MANSC1: variants seen among roughly 807,000 people sequenced by gnomAD.
The protein encoded by MANSC1 is MANSC domain containing 1.
Under a neutral mutation model 14.1 loss-of-function variants are expected in MANSC1, and 13 were observed. That is an observed-to-expected ratio of 0.92 (90% confidence interval 0.60 to 1.46). The LOEUF is 1.46. Among genes scored for constraint, MANSC1 ranks in the 40% most tolerant of loss-of-function variants. MANSC1 has a pLI of 0.00. For synonymous variants in MANSC1, 227 were observed against 200.7 expected, an observed-to-expected ratio of 1.13 and a Z score of -1.11; for missense variants, 486 against 511.4, an observed-to-expected ratio of 0.95 and a Z score of 0.48.
Position 12,329,240 on chromosome 12 carries a change from A to T in MANSC1, c.*787T>A, listed in dbSNP as rs1170053491. The T allele has an allele frequency of 6.6e-6, 1 of 152,212 alleles. No homozygotes were observed. Among genetic ancestry groups the T allele is most frequent in the Admixed American group, 6.5e-5 (1 of 15,276 alleles). The allele number at this position is 152,212 out of a possible 1,614,324, so 9.4% of individuals were successfully genotyped here. On this transcript the variant is annotated 3_prime_UTR_variant, in exon 4 of 4. Coordinates refer to ENST00000535902, the MANE Select transcript of MANSC1 (RefSeq NM_018050.4). ...AATAAATGGAAAGTTATCCAGCTGG[A>T]CATGCTACTTATGAGAACACTACTG...
chr12:12,329,584 C>T lies in MANSC1; in HGVS notation c.*443G>A, dbSNP rs532038531. 1 of 154,512 alleles carries T rather than the reference C, an allele frequency of 6.5e-6. No individual in the cohort carries two copies. The highest frequency in any genetic ancestry group is 2.0e-4 in the South Asian group (1 of 4,930). The allele number at this position is 154,512 out of a possible 1,614,324, so 9.6% of individuals were successfully genotyped here. Reference sequence around the variant, plus strand: ...TTCCCACTTCATTCCTTCTCAAAAACCAAACATAAAACAGAAGGGGGCCAG... The same window carrying T: ...TTCCCACTTCATTCCTTCTCAAAAATCAAACATAAAACAGAAGGGGGCCAG... On this transcript the variant is annotated 3_prime_UTR_variant, in exon 4 of 4. Coordinates refer to ENST00000535902, the MANE Select transcript of MANSC1 (RefSeq NM_018050.4).
chr12:12,342,103 T>C (rs1862942118), intron 2 of MANSC1, among the ~76,000 whole-genome samples: 3 of 152,238 alleles, frequency 2.0e-5, no homozygotes, highest in Non-Finnish European at 4.4e-5. Context: ...CCAGCACGCC[T>C]GGCTGATTTT....
chr12:12,340,289 C>T (rs1862917424), intron 2 of MANSC1, among the ~76,000 whole-genome samples: 1 of 152,200 alleles, frequency 6.6e-6, no homozygotes. Context: ...AACATACGCT[C>T]TGTCGACCAT....
intron 1 of MANSC1, among the ~76,000 whole-genome samples, chr12:12,344,615 G>A (rs559513736): frequency 2.0e-5 from 3 of 151,606 alleles, no homozygotes; most frequent in African/African-American, 7.3e-5. Context: ...GACTACAGAC[G>A]CATGCCACCA....
At chr12:12,339,388 T>A (rs1340231633) in intron 2 of MANSC1, 1 of 152,322 alleles carries the variant, frequency 6.6e-6, no homozygotes, top group African/African-American at 2.4e-5. Flanking sequence ...CACTTCAGCC[T>A]CCCGAGTAAC....
rs1479523851 is a variant in MANSC1, at chr12:12,328,110, A to C, written c.*1917T>G. On this transcript the variant is annotated 3_prime_UTR_variant, in exon 4 of 4. Transcript: ENST00000535902. ...TTTGCAGATAAGCAAATTGAAGTCC[A>C]GAGGAAAGAGGTATCAAACTGACCC... 1 of 152,208 alleles carries C rather than the reference A, an allele frequency of 6.6e-6. No individual in the cohort carries two copies. Among genetic ancestry groups the C allele is most frequent in the Non-Finnish European group, 1.5e-5 (1 of 68,038 alleles). The allele number at this position is 152,208 out of a possible 1,614,324, so 9.4% of individuals were successfully genotyped here.
At chr12:12,338,890 A>ACACAC (rs1555141160) in intron 2 of MANSC1, 3 of 192,924 alleles carry the variant, frequency 1.6e-5, no homozygotes, top group South Asian at 8.3e-5. Flanking sequence ...CACACACACA[A>ACACAC]ACACACACAC....
At chr12:12,349,564 A>G (rs1863050880) in intron 1 of MANSC1, among the ~76,000 whole-genome samples, 1 of 152,160 alleles carries the variant, frequency 6.6e-6, no homozygotes, top group African/African-American at 2.4e-5. Flanking sequence ...CAGGCGGGTG[A>G]GAGAGGATGC....
At chr12:12,347,422 G>A (rs10845529) in intron 1 of MANSC1, among the ~76,000 whole-genome samples, 1 of 151,904 alleles carries the variant, frequency 6.6e-6, no homozygotes, top group Non-Finnish European at 1.5e-5. Context: ...TAAATACAGA[G>A]GAAGCTTTGC....
Position 12,330,953 on chromosome 12 carries a change from G to C in MANSC1, c.370C>G (p.Pro124Ala). ...CTTGGCAAATTTCTGGTCAAAGATG[G>C]AAAATCTGAAAATGTATGGAAAATA... Reference protein sequence around the residue: ...LMSYRIITDFPSLTRNLPSQE... With the variant: ...LMSYRIITDFASLTRNLPSQE... The change falls in exon 4 of 4, where the codon CCA becomes GCA. Residue 124 changes from proline (P) to alanine (A), a missense_variant. By Grantham distance (27) the Pro-to-Ala change is conservative. Coordinates refer to ENST00000535902, the MANE Select transcript of MANSC1 (RefSeq NM_018050.4). 6.4e-7 allele frequency: 1 copy of C among 1,562,108 alleles called. No individual in the cohort carries two copies. Among genetic ancestry groups the C allele is most frequent in the African/African-American group, 1.4e-5 (1 of 72,790 alleles).
chr12:12,332,609 C>T (rs1862804570), intron 3 of MANSC1, among the ~76,000 whole-genome samples: 1 of 152,136 alleles, frequency 6.6e-6, no homozygotes, highest in Non-Finnish European at 1.5e-5. Context: ...CAACCTCTGC[C>T]TTCCAGATTC....
chr12:12,344,882 T>C (rs1444415876), intron 1 of MANSC1, among the ~76,000 whole-genome samples: 2 of 127,616 alleles, frequency 1.6e-5, no homozygotes, highest in Non-Finnish European at 1.6e-5. Flanking sequence ...TTGTGGGGCC[T>C]TGTGATCATG....
At position 12,330,959 on chromosome 12, in the gene MANSC1, C is replaced by T. The variant is rs1565792910; in HGVS notation, c.365-1G>A. 2 of 1,559,000 alleles carry T rather than the reference C, an allele frequency of 1.3e-6. No individual in the cohort carries two copies. The highest frequency in any genetic ancestry group is 1.4e-5 in the African/African-American group (1 of 72,556). On this transcript the variant is annotated splice_acceptor_variant, in intron 3 of 3. Coordinates refer to ENST00000535902, the MANE Select transcript of MANSC1 (RefSeq NM_018050.4). LOFTEE classifies it high-confidence loss of function. ...AAATTTCTGGTCAAAGATGGAAAAT[C>T]TGAAAATGTATGGAAAATAAAAGGA...
chr12:12,343,698 A>G (rs1425357441), intron 1 of MANSC1, among the ~76,000 whole-genome samples: 1 of 152,250 alleles, frequency 6.6e-6, no homozygotes, highest in Non-Finnish European at 1.5e-5. Flanking sequence ...TCGGAATTCT[A>G]CAATCCTTCC....
intron 2 of MANSC1, among the ~76,000 whole-genome samples, chr12:12,341,821 T>C (rs762498327): frequency 1.3e-5 from 2 of 152,204 alleles, no homozygotes; most frequent in Non-Finnish European, 2.9e-5. Flanking sequence ...TGAAACCACG[T>C]CTCTATTGAA....
Position 12,339,755 on chromosome 12 carries a change from T to C in MANSC1, c.224-1195A>G, listed in dbSNP as rs554547634. Among the ~76,000 whole-genome samples the C allele has an allele frequency of 6.6e-5, 10 of 152,238 alleles. No individual in the cohort carries two copies. In the East Asian group the frequency reaches 1.9e-3, roughly 29 times the overall value. ...CAATTACCCCTCTCTCCTTGTCATA[T>C]TTGCTTTTCTATGTTCCTTCCTTCC... On this transcript the variant is annotated intron_variant, in intron 2 of 3. Transcript: ENST00000535902.
At chr12:12,331,028 A>C in intron 3 of MANSC1, 70 bp from the exon 4 acceptor site, 1 of 985,010 alleles carries the variant, frequency 1.0e-6, no homozygotes, top group Non-Finnish European at 1.5e-6. Flanking sequence ...AAAAATACAA[A>C]CATATCAGCT....
chr12:12,347,886 C>G (rs980154282), intron 1 of MANSC1, among the ~76,000 whole-genome samples: 1 of 148,174 alleles, frequency 6.7e-6, no homozygotes, highest in Non-Finnish European at 1.5e-5. Context: ...TGGTGAAACC[C>G]CATCTCTACT....
At chr12:12,344,569 G>A (rs1032480407) in intron 1 of MANSC1, among the ~76,000 whole-genome samples, 3 of 151,166 alleles carry the variant, frequency 2.0e-5, no homozygotes, top group African/African-American at 4.9e-5. Flanking sequence ...TCTTGGGTTC[G>A]AGTGATTCCC....
Sources: allele counts gnomAD v4.1 joint callset (sites outside exome capture counted in the v4.1 genomes callset), GRCh38; gene constraint gnomAD v4.1.1; transcripts MANE v1.5; gene names NCBI Gene and HGNC (gene_info 2026-07-23, HGNC 2026-07-21).